The following CNBD1 variants were observed in gnomAD, a reference collection of about 807,000 sequenced individuals.
The protein encoded by CNBD1 is cyclic nucleotide binding domain containing 1.
Under a neutral mutation model 54.4 loss-of-function variants are expected in CNBD1, and 71 were observed. The ratio of observed to expected loss-of-function variants is 1.30; its 90% CI spans 1.08 to 1.59. The LOEUF is 1.59. Among genes scored for constraint, CNBD1 ranks in the 40% most tolerant of loss-of-function variants. CNBD1 has a pLI of 0.00. For synonymous variants in CNBD1, 182 were observed against 170.7 expected (o/e 1.07, Z -0.51); for missense variants, 659 against 518.0 (o/e 1.27, Z -2.64).
intron 4 of CNBD1, among the ~76,000 whole-genome samples, chr8:87,055,681 A>G (rs1471884283): frequency 1.3e-5 from 2 of 152,070 alleles, no homozygotes; most frequent in African/African-American, 4.8e-5. Context: ...TTAGTTGTCT[A>G]CCGAACTGGT....
intron 8 of CNBD1, among the ~76,000 whole-genome samples, chr8:87,347,914 A>G (rs904164081): frequency 6.6e-6 from 1 of 152,212 alleles, no homozygotes; most frequent in African/African-American, 2.4e-5. Context: ...CTAATTCTAT[A>G]AATATATTAT....
chr8:87,061,882 T>C (rs1810554985), intron 4 of CNBD1, among the ~76,000 whole-genome samples: 1 of 152,222 alleles, frequency 6.6e-6, no homozygotes, highest in South Asian at 2.1e-4. Context: ...CCATAATTAT[T>C]CTACCCTGTG....
intron 4 of CNBD1, among the ~76,000 whole-genome samples, chr8:87,164,302 T>G (rs1258003713): frequency 6.6e-6 from 1 of 151,928 alleles, no homozygotes; most frequent in Non-Finnish European, 1.5e-5. Flanking sequence ...AATGCTGGCC[T>G]CCTCAAATAA....
chr8:87,154,139 C>G (rs1465619560), intron 4 of CNBD1, among the ~76,000 whole-genome samples: 1 of 151,986 alleles, frequency 6.6e-6, no homozygotes, highest in Non-Finnish European at 1.5e-5. Flanking sequence ...TACATTTTTT[C>G]AAGCTGTTTA....
rs116077914 is a variant in CNBD1 at position 87,036,021 on chromosome 8, G to C, written c.431+96267G>C. 5.9e-3 allele frequency among the ~76,000 whole-genome samples: 898 copies of C among 152,264 alleles called. 13 individuals are homozygous for C. The highest frequency in any genetic ancestry group is 0.021 in the African/African-American group (857 of 41,562). ...CAGTCATGTGACTGTAAACACCTAG[G>C]AGCAAGAGAAGTAGGGAAACGCAGC... On this transcript the variant is annotated intron_variant, in intron 4 of 10. Transcript: ENST00000518476.
chr8:87,414,174 A>G (rs993962699), intron 2 of CNBD1, among the ~76,000 whole-genome samples: 2,086 of 152,180 alleles, frequency 0.014, 32 homozygotes, highest in African/African-American at 0.033. Context: ...CATATACACC[A>G]TGGAATACTA....
At chr8:86,905,231 T>C (rs1308554766) in intron 3 of CNBD1, 37 bp downstream of exon 3, 2 of 1,121,208 alleles carry the variant, frequency 1.8e-6, no homozygotes, top group Admixed American at 1.9e-5. Flanking sequence ...GGTTGATGGG[T>C]GTGTATGAGT....
chr8:86,930,689 C>T (rs1047990899), intron 3 of CNBD1, among the ~76,000 whole-genome samples: 6 of 152,166 alleles, frequency 3.9e-5, no homozygotes, highest in Admixed American at 1.3e-4. Context: ...CTGGATATAG[C>T]GGAATTACTC....
At chr8:87,140,439 C>CT (rs1336909580) in intron 4 of CNBD1, among the ~76,000 whole-genome samples, 3 of 152,172 alleles carry the variant, frequency 2.0e-5, no homozygotes, top group Middle Eastern at 6.8e-3. Flanking sequence ...AACCTTGTTA[C>CT]TTTTTTCTTA....
intron 4 of CNBD1, among the ~76,000 whole-genome samples, chr8:86,995,761 T>A (rs1177377876): frequency 6.6e-6 from 1 of 151,690 alleles, no homozygotes; most frequent in African/African-American, 2.4e-5. Context: ...ATGATAAAAA[T>A]GAAACTGGTC....
chr8:87,223,409 AGTTCCCAGAGTGTGGT>A (rs1304719203), intron 5 of CNBD1, among the ~76,000 whole-genome samples: 2 of 122,386 alleles, frequency 1.6e-5, no homozygotes, highest in East Asian at 5.2e-4. Context: ...ACCCCACAAC[AGTTCCCAGAGTGTGGT>A]GTTCCCCTTC....
chr8:87,340,111 A>T (rs1810035112), intron 8 of CNBD1, among the ~76,000 whole-genome samples: 1 of 152,196 alleles, frequency 6.6e-6, no homozygotes, highest in African/African-American at 2.4e-5. Context: ...GTCTGGAAAC[A>T]TCCCTCTCGT....
intron 4 of CNBD1, among the ~76,000 whole-genome samples, chr8:87,026,351 C>A (rs2130585459): frequency 6.6e-6 from 1 of 151,256 alleles, no homozygotes; most frequent in South Asian, 2.1e-4. Context: ...CTTCCCTTCT[C>A]CCTCCCTCCC....
chr8:87,390,186 G>A (rs1036047894), intron 2 of CNBD1, among the ~76,000 whole-genome samples: 35 of 152,030 alleles, frequency 2.3e-4, no homozygotes, highest in Non-Finnish European at 4.3e-4. Context: ...ACATAGGCAT[G>A]GGCAAGGACT....
intron 4 of CNBD1, among the ~76,000 whole-genome samples, chr8:86,946,768 A>G (rs28751963): frequency 5.8e-4 from 88 of 152,268 alleles, no homozygotes; most frequent in Admixed American, 1.2e-3. Flanking sequence ...TATCTGTTGA[A>G]CTATCACAAA....
chr8:87,091,551 C>T (rs750552697), intron 4 of CNBD1, among the ~76,000 whole-genome samples: 1 of 152,162 alleles, frequency 6.6e-6, no homozygotes, highest in African/African-American at 2.4e-5. Flanking sequence ...CATCTTGACT[C>T]TTGAGTCTTT....
chr8:86,973,193 T>C (rs555296857), intron 4 of CNBD1, among the ~76,000 whole-genome samples: 5 of 152,340 alleles, frequency 3.3e-5, no homozygotes, highest in African/African-American at 4.8e-5. Context: ...AGTTTTCTGA[T>C]TGGGCTGCTA....
intron 5 of CNBD1, among the ~76,000 whole-genome samples, chr8:87,223,380 A>G (rs1441277099): frequency 6.6e-6 from 1 of 151,038 alleles, no homozygotes; most frequent in African/African-American, 2.4e-5. Flanking sequence ...TCCCAATGCT[A>G]TCCCTCGCCC....
At chr8:87,293,270 C>T (rs949151415) in intron 8 of CNBD1, among the ~76,000 whole-genome samples, 1 of 152,092 alleles carries the variant, frequency 6.6e-6, no homozygotes, top group African/African-American at 2.4e-5. Flanking sequence ...TCAGGCCGGA[C>T]ACAGTGGCTC....
Sources: gnomAD v4.1 joint callset for allele counts (sites outside exome capture counted in the v4.1 genomes callset) on GRCh38, gnomAD v4.1.1 for gene constraint, MANE v1.5 for transcripts, NCBI Gene and HGNC (gene_info 2026-07-23, HGNC 2026-07-21) for gene names.